Variants in FIGN observed in about 807,000 individuals in gnomAD.
FIGN encodes fidgetin, microtubule severing factor.
In FIGN, 11 loss-of-function variants were observed where a neutral mutation model predicts 51.3. That is an observed-to-expected ratio of 0.21 (90% confidence interval 0.13 to 0.35). The LOEUF (loss-of-function observed/expected upper bound fraction) is 0.35. Among genes scored for constraint, FIGN ranks in the 10% least tolerant of loss-of-function variants. The pLI, the probability that FIGN is intolerant of heterozygous loss-of-function variation, is 1.00. For synonymous variants in FIGN, 407 were observed against 363.2 expected (o/e 1.12, Z -1.37); for missense variants, 857 against 943.6 (o/e 0.91, Z 1.20).
intron 2 of FIGN, among the ~76,000 whole-genome samples, chr2:163,642,216 G>A (rs969081723): frequency 1.3e-5 from 2 of 152,194 alleles, no homozygotes; most frequent in African/African-American, 4.8e-5. Flanking sequence ...AGCTGTTACA[G>A]TGTAGTTTCA....
intron 2 of FIGN, chr2:163,617,047 A>T: frequency 1.1e-6 from 1 of 922,334 alleles, no homozygotes; most frequent in Non-Finnish European, 1.3e-6. Flanking sequence ...AGACTAATGC[A>T]GCCTTGTCTA....
Position 163,609,968 on chromosome 2 carries a change from C to T in FIGN, c.1864G>A (p.Asp622Asn). The T allele has an allele frequency of 6.2e-7, 1 of 1,613,982 alleles. No homozygotes were observed. Among genetic ancestry groups the T allele is most frequent in the East Asian group, 2.2e-5 (1 of 44,878 alleles). ...GTGGCACAAATTACTACGATTTGGT[C>T]CTCAGCCGAAGTTAGTACAGTGTCC... is the stretch of plus-strand genomic sequence containing the variant. ...QLDTVLTSAE[D>N]QIVVICATSK... Residue 622 changes from aspartate to asparagine, a missense_variant, in exon 3 of 3, where the codon GAC becomes AAC. Coordinates refer to ENST00000333129, the MANE Select transcript of FIGN (RefSeq NM_018086.4).
At chr2:163,660,905 T>TTTTTG in intron 2 of FIGN, among the ~76,000 whole-genome samples, 1 of 73,032 alleles carries the variant, frequency 1.4e-5, no homozygotes, top group African/African-American at 5.3e-5. Context: ...TTTTTTTTTT[T>TTTTTG]GAGATGGAGT....
chr2:163,671,286 T>C (rs939565990), intron 2 of FIGN, among the ~76,000 whole-genome samples: 5 of 152,062 alleles, frequency 3.3e-5, no homozygotes, highest in African/African-American at 1.2e-4. Flanking sequence ...ACAAAAAGCA[T>C]AGATAAAAAG....
chr2:163,659,922 G>A (rs956060920), intron 2 of FIGN, among the ~76,000 whole-genome samples: 16 of 151,996 alleles, frequency 1.1e-4, no homozygotes, highest in African/African-American at 3.6e-4. Context: ...GGCCAACATA[G>A]TGAAACCTCA....
intron 2 of FIGN, among the ~76,000 whole-genome samples, chr2:163,621,644 AGTGAAATAGACCTG>A (rs554288458): frequency 1.4e-4 from 21 of 152,248 alleles, no homozygotes; most frequent in African/African-American, 1.2e-4. Flanking sequence ...GCCCCCTTCT[AGTGAAATAGACCTG>A]GTGAAATAGA....
Position 163,622,711 on chromosome 2 carries a change from G to A in FIGN, c.26-10905C>T, listed in dbSNP as rs527812509. ...AGAGTAGCTGGGACTACAGGCTCAC[G>A]CTACCATGCCCAGCTAATTATTGTG... is the stretch of plus-strand genomic sequence containing the variant. On this transcript the variant is annotated intron_variant, in intron 2 of 2. Coordinates refer to ENST00000333129, the MANE Select transcript of FIGN (RefSeq NM_018086.4). 9.2e-5 allele frequency among the ~76,000 whole-genome samples: 14 copies of A among 152,004 alleles called. No homozygotes were observed. In the South Asian group the frequency reaches 2.1e-3, roughly 23 times the overall value.
chr2:163,660,827 ATG>A (rs1325472154), intron 2 of FIGN, among the ~76,000 whole-genome samples: 4 of 49,066 alleles, frequency 8.2e-5, no homozygotes, highest in South Asian at 6.8e-4. Context: ...ATACATATAT[ATG>A]TATACATATA....
intron 2 of FIGN, among the ~76,000 whole-genome samples, chr2:163,687,046 G>A (rs1281158351): frequency 1.3e-5 from 2 of 152,014 alleles, no homozygotes; most frequent in Non-Finnish European, 2.9e-5. Context: ...TACATGCACA[G>A]CTACATGCTT....
chr2:163,686,175 A>T (rs1411527537), intron 2 of FIGN, among the ~76,000 whole-genome samples: 1 of 152,204 alleles, frequency 6.6e-6, no homozygotes, highest in African/African-American at 2.4e-5. Flanking sequence ...TTTAGAATAG[A>T]TTGCTACAAT....
intron 2 of FIGN, among the ~76,000 whole-genome samples, chr2:163,633,015 C>CA (rs576483120): frequency 1.6e-4 from 24 of 149,716 alleles, no homozygotes; most frequent in Non-Finnish European, 2.5e-4. Flanking sequence ...ACATAGCTAC[C>CA]AAAAAAAAAC....
At chr2:163,619,241 C>A (rs980604684) in intron 2 of FIGN, among the ~76,000 whole-genome samples, 3 of 152,156 alleles carry the variant, frequency 2.0e-5, no homozygotes, top group African/African-American at 4.8e-5. Context: ...AGCATTAGTA[C>A]AACTTTTATA....
intron 2 of FIGN, among the ~76,000 whole-genome samples, chr2:163,695,993 C>T (rs909983169): frequency 3.3e-5 from 5 of 152,104 alleles, no homozygotes; most frequent in African/African-American, 1.2e-4. Context: ...TGCCCATAAT[C>T]CCAGCTACTT....
rs1266754173 is a variant in FIGN at position 163,610,914 on chromosome 2, C to T, written c.918G>A (p.Ser306=). ...AACTTGCTGAACTGTTTGTCAGAGC[C>T]GACGGTGCAATAGGTGTCAAACCAT... ...QGHGLTPIAP[S]ALTNSSASSL... is the part of the protein sequence containing the mutation. Residue 306 remains serine (S), a synonymous_variant, in exon 3 of 3, where the codon TCG becomes TCA. Coordinates refer to ENST00000333129, the MANE Select transcript of FIGN (RefSeq NM_018086.4). 4.3e-6 allele frequency: 7 copies of T among 1,612,240 alleles called. No individual in the cohort carries two copies. In the East Asian group the frequency reaches 8.9e-5, roughly 21 times the overall value.
intron 2 of FIGN, among the ~76,000 whole-genome samples, chr2:163,621,540 C>T (rs182425057): frequency 7.2e-4 from 110 of 152,182 alleles, no homozygotes; most frequent in Non-Finnish European, 1.3e-3. Context: ...AGAAGATAAA[C>T]TGATTTAGAA....
intron 2 of FIGN, among the ~76,000 whole-genome samples, chr2:163,687,016 C>T (rs1319738752): frequency 6.6e-6 from 1 of 151,386 alleles, no homozygotes; most frequent in Non-Finnish European, 1.5e-5. Flanking sequence ...ATTGTGTACA[C>T]ACACACACAC....
chr2:163,715,226 G>T (rs763331321), intron 2 of FIGN, among the ~76,000 whole-genome samples: 7 of 152,156 alleles, frequency 4.6e-5, no homozygotes, highest in Non-Finnish European at 8.8e-5. Context: ...GTACAACTCG[G>T]CTCACACAAT....
intron 2 of FIGN, among the ~76,000 whole-genome samples, chr2:163,731,518 T>C (rs543562687): frequency 6.6e-6 from 1 of 151,724 alleles, no homozygotes; most frequent in South Asian, 2.1e-4. Context: ...CTGCCTAACA[T>C]GAATAAAAAC....
chr2:163,646,160 T>G (rs751282359), intron 2 of FIGN, among the ~76,000 whole-genome samples: 15 of 152,326 alleles, frequency 9.8e-5, no homozygotes, highest in Non-Finnish European at 1.8e-4. Flanking sequence ...GTTGAATGAA[T>G]GAATCTGCTC....
Sources: allele counts gnomAD v4.1 joint callset (sites outside exome capture counted in the v4.1 genomes callset), GRCh38; gene constraint gnomAD v4.1.1; transcripts MANE v1.5; gene names NCBI Gene and HGNC (gene_info 2026-07-23, HGNC 2026-07-21).